The following WWOX variants were observed in gnomAD, a reference collection of about 807,000 sequenced individuals.
WWOX encodes the protein WW domain containing oxidoreductase.
Under a neutral mutation model 46.2 loss-of-function variants are expected in WWOX, and 69 were observed. That is an observed-to-expected ratio of 1.49 (90% confidence interval 1.23 to 1.82). The LOEUF (loss-of-function observed/expected upper bound fraction) is 1.82. Among genes scored for constraint, WWOX ranks in the 40% most tolerant of loss-of-function variants. WWOX has a pLI of 0.00. For synonymous variants in WWOX, 359 were observed against 202.6 expected, an observed-to-expected ratio of 1.77 and a Z score of -6.56; for missense variants, 919 against 542.6, an observed-to-expected ratio of 1.69 and a Z score of -6.89.
chr16:78,154,787 C>T, intron 4 of WWOX, among the ~76,000 whole-genome samples: 1 of 152,252 alleles, frequency 6.6e-6, no homozygotes, highest in East Asian at 1.9e-4. Context: ...TAAATAAAAT[C>T]TCAACCAGAT....
chr16:78,397,636 A>G (rs1204441434), intron 6 of WWOX, among the ~76,000 whole-genome samples: 1 of 152,232 alleles, frequency 6.6e-6, no homozygotes, highest in South Asian at 2.1e-4. Context: ...TCTAAAGGAG[A>G]TTTGTCCCAT....
chr16:78,957,833 C>A (rs1460476924), intron 8 of WWOX, among the ~76,000 whole-genome samples: 1 of 152,192 alleles, frequency 6.6e-6, no homozygotes, highest in African/African-American at 2.4e-5. Flanking sequence ...GTGCGGCTGG[C>A]CCACTTGTGC....
At chr16:78,448,089 C>T (rs914876973) in intron 8 of WWOX, among the ~76,000 whole-genome samples, 3 of 152,120 alleles carry the variant, frequency 2.0e-5, no homozygotes, top group African/African-American at 7.2e-5. Flanking sequence ...CAGGTGTGAA[C>T]CACTGCTTCT....
intron 4 of WWOX, among the ~76,000 whole-genome samples, chr16:78,144,439 A>ATATATAGG (rs1321276509): frequency 4.8e-5 from 1 of 20,742 alleles, no homozygotes; most frequent in African/African-American, 2.4e-4. Flanking sequence ...CTATATATAT[A>ATATATAGG]TATATATACA....
intron 8 of WWOX, among the ~76,000 whole-genome samples, chr16:78,692,346 A>G (rs1341939222): frequency 6.6e-6 from 1 of 152,230 alleles, no homozygotes; most frequent in African/African-American, 2.4e-5. Flanking sequence ...AAGAAACCAT[A>G]GCTTCCTTAC....
intron 8 of WWOX, among the ~76,000 whole-genome samples, chr16:78,487,447 G>A (rs998759683): frequency 6.6e-6 from 1 of 152,128 alleles, no homozygotes; most frequent in Non-Finnish European, 1.5e-5. Context: ...TCTTACTAAT[G>A]TTCCGTCTTT....
intron 7 of WWOX, among the ~76,000 whole-genome samples, chr16:78,429,950 G>A (rs2083178231): frequency 6.6e-6 from 1 of 152,150 alleles, no homozygotes. Flanking sequence ...CAGGTGTGTG[G>A]TATTGCAGAC....
intron 8 of WWOX, among the ~76,000 whole-genome samples, chr16:78,683,365 C>G (rs777035815): frequency 6.6e-6 from 1 of 151,230 alleles, no homozygotes; most frequent in African/African-American, 2.4e-5. Flanking sequence ...AGGCGAAACC[C>G]CATCTCTACT....
chr16:78,595,375 TC>T (rs2045463843), intron 8 of WWOX, among the ~76,000 whole-genome samples: 1 of 139,914 alleles, frequency 7.1e-6, no homozygotes, highest in South Asian at 2.3e-4. Flanking sequence ...GCTTCAACCC[TC>T]CCCGCTGACA....
At chr16:78,640,660 C>T (rs892692412) in intron 8 of WWOX, among the ~76,000 whole-genome samples, 28 of 152,052 alleles carry the variant, frequency 1.8e-4, no homozygotes, top group Non-Finnish European at 3.2e-4. Flanking sequence ...AAGAAGGGGC[C>T]GGGCATGGTG....
chr16:78,997,694 T>C (rs2047017320), intron 8 of WWOX, among the ~76,000 whole-genome samples: 1 of 151,768 alleles, frequency 6.6e-6, no homozygotes, highest in Non-Finnish European at 1.5e-5. Flanking sequence ...TTCCTTTCCC[T>C]CCTACCCCTC....
chr16:78,973,913 T>C (rs2046521218), intron 8 of WWOX, among the ~76,000 whole-genome samples: 1 of 152,310 alleles, frequency 6.6e-6, no homozygotes, highest in South Asian at 2.1e-4. Context: ...GAATTTTGGT[T>C]TTTTCTTCGG....
intron 5 of WWOX, among the ~76,000 whole-genome samples, chr16:78,231,143 T>C (rs1355151768): frequency 1.3e-5 from 2 of 152,212 alleles, no homozygotes; most frequent in Non-Finnish European, 2.9e-5. Context: ...TCAGACTTAG[T>C]TTAGTTTTGT....
At chr16:79,004,258 G>C (rs990661264) in intron 8 of WWOX, 3 of 152,154 alleles carry the variant, frequency 2.0e-5, no homozygotes, top group Non-Finnish European at 4.4e-5. Flanking sequence ...GGGGAATTCT[G>C]GAATGAATAA....
chr16:78,310,002 C>T (rs1411588231), intron 5 of WWOX, among the ~76,000 whole-genome samples: 1 of 152,142 alleles, frequency 6.6e-6, no homozygotes, highest in Non-Finnish European at 1.5e-5. Context: ...CATTTAGTTA[C>T]TGTCGCTCCT....
At chr16:78,168,271 G>A (rs2035041567) in intron 5 of WWOX, 2 of 152,068 alleles carry the variant, frequency 1.3e-5, no homozygotes, top group Admixed American at 1.3e-4. Flanking sequence ...CACATTCCGG[G>A]ATCGCCATGT....
chr16:79,211,631 G>T lies in WWOX; in HGVS notation c.1080G>T (p.Val360=). Residue 360 remains valine, a synonymous_variant, in exon 9 of 9, where the codon GTG becomes GTT. Transcript: ENST00000566780. ...AGCAACAGGGAGCTGCCACCACCGT[G>T]TACTGTGCTGCTGTCCCAGAACTGG... ...KSMQQGAATT[V]YCAAVPELEG... 6.2e-7 allele frequency: 1 copy of T among 1,614,178 alleles called. No individual in the cohort carries two copies. Among genetic ancestry groups the T allele is most frequent in the Non-Finnish European group, 8.5e-7 (1 of 1,180,036 alleles).
chr16:78,848,935 T>C (rs2052369143), intron 8 of WWOX, among the ~76,000 whole-genome samples: 1 of 152,204 alleles, frequency 6.6e-6, no homozygotes, highest in African/African-American at 2.4e-5. Context: ...CTGCTGGTTG[T>C]GATCATATTT....
chr16:78,858,404 G>A (rs543091590), intron 8 of WWOX, among the ~76,000 whole-genome samples: 2 of 151,668 alleles, frequency 1.3e-5, no homozygotes, highest in Non-Finnish European at 2.9e-5. Context: ...ATGTATAATG[G>A]CTGTCCATGA....
Sources: allele counts gnomAD v4.1 joint callset (sites outside exome capture counted in the v4.1 genomes callset), GRCh38; gene constraint gnomAD v4.1.1; transcripts MANE v1.5; gene names NCBI Gene and HGNC (gene_info 2026-07-23, HGNC 2026-07-21).